BRME1: variants seen among roughly 807,000 people sequenced by gnomAD.
BRME1 encodes the protein BRCA2 and MEILB2-associating protein 1.
A neutral mutation model predicts 52.6 loss-of-function variants in BRME1; 31 were observed. That is an observed-to-expected ratio of 0.59 (90% CI 0.44 to 0.80). The LOEUF is 0.80. Among genes scored for constraint, BRME1 ranks in the 30% least tolerant of loss-of-function variants. The pLI, the probability that BRME1 is intolerant of heterozygous loss-of-function variation, is 0.00. For synonymous variants in BRME1, 359 were observed against 353.6 expected (o/e 1.02, Z -0.17); for missense variants, 804 against 860.3 (o/e 0.93, Z 0.82).
chr19:13,887,128 C>T (rs2145126745), intron 6 of BRME1, among the ~76,000 whole-genome samples: 1 of 152,338 alleles, frequency 6.6e-6, no homozygotes, highest in South Asian at 2.1e-4. Context: ...CTCTGAGTCC[C>T]CTCCTCTAGC....
intron 4 of BRME1, 67 bp downstream of exon 4, chr19:13,893,073 GAC>G: frequency 6.8e-7 from 1 of 1,466,006 alleles, no homozygotes; most frequent in Non-Finnish European, 9.4e-7. Context: ...AAAGAAGGGA[GAC>G]ACAGAGCCGG....
chr19:13,890,430 T>TG lies in BRME1; in HGVS notation c.425dup (p.Gly143ArgfsTer31). 1 of 1,514,152 alleles carries TG rather than the reference T, an allele frequency of 6.6e-7. No homozygotes were observed. Among genetic ancestry groups the TG allele is most frequent in the Non-Finnish European group, 8.8e-7 (1 of 1,138,382 alleles). The allele number at this position is 1,514,152 out of a possible 1,614,324, so 93.8% of individuals were successfully genotyped here. A position where few individuals can be genotyped will look rare whatever the true frequency, so the allele number is the denominator to read the frequency against. On this transcript the variant is annotated frameshift_variant, in exon 6 of 9. Coordinates refer to ENST00000586783, the MANE Select transcript of BRME1 (RefSeq NM_001345843.2). LOFTEE classifies it high-confidence loss of function. ...GGGTCTCCACTAGCAGCTGGCATCC[T>TG]GGACTCTGGGCGCTGGACTCTGCGA...
intron 6 of BRME1, among the ~76,000 whole-genome samples, chr19:13,886,263 C>T (rs1310849670): frequency 1.3e-5 from 2 of 152,166 alleles, no homozygotes; most frequent in Admixed American, 6.5e-5. Flanking sequence ...GGGCTGCGCC[C>T]GTCCTTTCCC....
At chr19:13,893,536 AAAAC>A (rs142886081) in intron 3 of BRME1, among the ~76,000 whole-genome samples, 2 of 151,520 alleles carry the variant, frequency 1.3e-5, no homozygotes, top group Non-Finnish European at 2.9e-5. Flanking sequence ...TTCTGTGTCA[AAAAC>A]AAACAAACGA....
chr19:13,887,089 G>T (rs1445503823), intron 6 of BRME1, among the ~76,000 whole-genome samples: 1 of 152,232 alleles, frequency 6.6e-6, no homozygotes, highest in Non-Finnish European at 1.5e-5. Context: ...TTGGTTTGAG[G>T]TTTGAAAGCT....
rs1161345508 is a variant in BRME1, at chr19:13,882,588, G to A, written c.*214C>T. 6.6e-6 allele frequency: 4 copies of A among 603,172 alleles called. No individual in the cohort carries two copies. The highest frequency in any genetic ancestry group is 8.6e-6 in the Non-Finnish European group (3 of 350,652). 37.4% of individuals were successfully genotyped at this position (603,172 alleles called of 1,614,324 possible). A position where few individuals can be genotyped will look rare whatever the true frequency, so the allele number is the denominator to read the frequency against. ...AGTCACTGGGGCTGTGGGAGACACA[G>A]TTTCCCTCCCTGAAGCCAAGGGTGG... On this transcript the variant is annotated 3_prime_UTR_variant, in exon 9 of 9. Coordinates refer to ENST00000586783, the MANE Select transcript of BRME1 (RefSeq NM_001345843.2).
intron 2 of BRME1, among the ~76,000 whole-genome samples, chr19:13,903,445 G>A (rs999870755): frequency 6.6e-6 from 1 of 152,132 alleles, no homozygotes; most frequent in African/African-American, 2.4e-5. Flanking sequence ...GGCTGAGGCA[G>A]GCAGATCACC....
intron 7 of BRME1, 67 bp downstream of exon 7, chr19:13,885,894 A>T: frequency 7.1e-7 from 1 of 1,412,816 alleles, no homozygotes; most frequent in Non-Finnish European, 9.9e-7. Flanking sequence ...TGTCTCCTCC[A>T]TCTGTCACCC....
intron 2 of BRME1, 81 bp from the exon 3 acceptor site, chr19:13,895,627 C>T (rs879635032): frequency 1.5e-6 from 2 of 1,303,556 alleles, no homozygotes; most frequent in Non-Finnish European, 1.1e-6. Context: ...TCCCCCACTA[C>T]AACCAGGCTG....
intron 2 of BRME1, among the ~76,000 whole-genome samples, chr19:13,901,144 AT>A (rs111701966): frequency 0.042 from 5,921 of 142,026 alleles, 351 homozygotes; most frequent in African/African-American, 0.13. Flanking sequence ...GTTAATTAAA[AT>A]TTTTTTTTTT....
chr19:13,904,630 C>T (rs150059600), intron 2 of BRME1, among the ~76,000 whole-genome samples: 19,381 of 151,252 alleles, frequency 0.13, 1,502 homozygotes, highest in Middle Eastern at 0.2. Flanking sequence ...TTAGTAGAGA[C>T]GGGGTTTCAC....
intron 7 of BRME1, among the ~76,000 whole-genome samples, chr19:13,884,149 C>T (rs1297786386): frequency 1.3e-5 from 2 of 152,110 alleles, no homozygotes; most frequent in African/African-American, 2.4e-5. Context: ...AGACCAGCCT[C>T]GGCAATGTAG....
In BRME1 at chr19:13,890,181, G is replaced by A. The variant is rs1969373438; in HGVS notation, c.675C>T (p.Asp225=). 3.7e-6 allele frequency: 6 copies of A among 1,614,100 alleles called. No homozygotes were observed. The highest frequency in any genetic ancestry group is 1.3e-5 in the African/African-American group (1 of 74,934). ...TTTGGCCACCGTCACCTGGAACCCTGTCTGTCTCAGGCTTGCTGTCATCGG... is the reference window on the plus strand; with the variant it reads ...TTTGGCCACCGTCACCTGGAACCCTATCTGTCTCAGGCTTGCTGTCATCGG... The part of the protein sequence containing the change: ...QGADDSKPET[D]RVPGDGGQKE... The change falls in exon 6 of 9, where the codon GAC becomes GAT. Residue 225 remains aspartate, a synonymous_variant. Coordinates refer to ENST00000586783, the MANE Select transcript of BRME1 (RefSeq NM_001345843.2).
In BRME1 at chr19:13,888,377, C is replaced by T. The variant is rs10416541; in HGVS notation, c.1668+811G>A. On this transcript the variant is annotated intron_variant, in intron 6 of 8. Transcript: ENST00000586783. The surrounding 1 kb of genome is among the most constrained non-coding windows in gnomAD (Gnocchi z 4.1). ...ACCTGCCTCACCTCTAGCAGGCGCA[C>T]GAACTCCTCCAGAGTCTTCACTGCC... 51,853 of 152,350 alleles carry T rather than the reference C, an allele frequency of 0.34. 11,927 individuals are homozygous for T. Among genetic ancestry groups the T allele is most frequent in the African/African-American group, 0.66 (27,316 of 41,498 alleles). The allele number at this position is 152,350 out of a possible 1,614,324, so 9.4% of individuals were successfully genotyped here.
At chr19:13,894,186 AG>A (rs1427597202) in intron 3 of BRME1, among the ~76,000 whole-genome samples, 2 of 152,160 alleles carry the variant, frequency 1.3e-5, no homozygotes, top group Non-Finnish European at 2.9e-5. Flanking sequence ...TGTGGATGCA[AG>A]AAACATAGTG....
At chr19:13,898,943 A>T (rs1970110697) in intron 2 of BRME1, among the ~76,000 whole-genome samples, 1 of 150,950 alleles carries the variant, frequency 6.6e-6, no homozygotes, top group African/African-American at 2.4e-5. Flanking sequence ...AAAAAAAAAA[A>T]AAGAATAACA....
At position 13,883,303 on chromosome 19, in the gene BRME1, C is replaced by G; in HGVS notation, c.1856+5G>C. On this transcript the variant is annotated splice_donor_5th_base_variant and intron_variant, in intron 8 of 8. Transcript: ENST00000586783. The surrounding 1 kb of genome is among the most constrained non-coding windows in gnomAD (Gnocchi z 4.2). ...CTGTGCCGTGAGTCCAAGCCCACCC[C>G]GTACTTCAGGTTGGAGAGCTCAACG... The G allele has an allele frequency of 1.3e-6, 2 of 1,531,786 alleles. No homozygotes were observed. The allele number at this position is 1,531,786 out of a possible 1,614,324, so 94.9% of individuals were successfully genotyped here.
Position 13,903,887 on chromosome 19 carries a change from G to T in BRME1, c.31+975C>A, listed in dbSNP as rs114943241. ...ATGAACCCAGGTTTTGGGCCCCAGA[G>T]TAAAACACTCAGCCACATACCGAGT... is the stretch of plus-strand genomic sequence containing the variant. On this transcript the variant is annotated intron_variant, in intron 2 of 8. Transcript: ENST00000586783. 7.6e-3 allele frequency among the ~76,000 whole-genome samples: 1,159 copies of T among 152,124 alleles called. 15 individuals carry two copies. The highest frequency in any genetic ancestry group is 0.027 in the African/African-American group (1,100 of 41,464).
At chr19:13,889,084 G>A (rs924478087) in intron 6 of BRME1, 104 bp downstream of exon 6, 6 of 1,107,724 alleles carry the variant, frequency 5.4e-6, no homozygotes, top group Admixed American at 5.7e-5. Context: ...GGTAAGCCCT[G>A]AGCCCCAGCT....
Sources: gnomAD v4.1 joint callset for allele counts (sites outside exome capture counted in the v4.1 genomes callset) on GRCh38, gnomAD v4.1.1 for gene constraint, Gnocchi (gnomAD v3.1) non-coding constraint, MANE v1.5 for transcripts, NCBI Gene and HGNC (gene_info 2026-07-23, HGNC 2026-07-21) for gene names.